SYTL3: variants seen among roughly 807,000 people sequenced by gnomAD.
SYTL3 encodes the protein synaptotagmin-like protein 3.
Under a neutral mutation model 82.1 loss-of-function variants are expected in SYTL3, and 88 were observed. The ratio of observed to expected loss-of-function variants is 1.07; its 90% CI spans 0.90 to 1.28. The LOEUF (loss-of-function observed/expected upper bound fraction) is 1.28, where lower values mean the gene tolerates loss of function less well. Among genes scored for constraint, SYTL3 ranks in the 50% most tolerant of loss-of-function variants. The pLI, the probability that SYTL3 is intolerant of heterozygous loss-of-function variation, is 0.00. For synonymous variants in SYTL3, 311 were observed against 289.4 expected, an observed-to-expected ratio of 1.07 and a Z score of -0.76; for missense variants, 831 against 757.6, an observed-to-expected ratio of 1.10 and a Z score of -1.14.
intron 14 of SYTL3, among the ~76,000 whole-genome samples, chr6:158,757,795 CAAT>C (rs972270275): frequency 6.6e-6 from 1 of 152,192 alleles, no homozygotes; most frequent in Non-Finnish European, 1.5e-5. Flanking sequence ...CAGGCACTCT[CAAT>C]AATAGGTGAC....
At chr6:158,677,078 A>C (rs979653327) in intron 5 of SYTL3, among the ~76,000 whole-genome samples, 1 of 152,234 alleles carries the variant, frequency 6.6e-6, no homozygotes. Flanking sequence ...AGGACTATAA[A>C]TCATGCTGCT....
At chr6:158,690,722 CT>C (rs1458457905) in intron 6 of SYTL3, among the ~76,000 whole-genome samples, 1 of 152,082 alleles carries the variant, frequency 6.6e-6, no homozygotes, top group Non-Finnish European at 1.5e-5. Flanking sequence ...TATAGGCTGG[CT>C]TTTTCCCCTA....
At chr6:158,658,059 A>C (rs1788911682) in intron 2 of SYTL3, among the ~76,000 whole-genome samples, 1 of 151,938 alleles carries the variant, frequency 6.6e-6, no homozygotes, top group African/African-American at 2.4e-5. Context: ...CACCCGGCTA[A>C]TTTTTTGTAT....
At chr6:158,667,483 C>T (rs1790214685) in intron 5 of SYTL3, among the ~76,000 whole-genome samples, 1 of 152,174 alleles carries the variant, frequency 6.6e-6, no homozygotes, top group Non-Finnish European at 1.5e-5. Context: ...AGCCCTCTGT[C>T]CTCTCTCCAG....
chr6:158,653,076 C>T (rs1478196192), intron 2 of SYTL3, among the ~76,000 whole-genome samples: 1 of 152,194 alleles, frequency 6.6e-6, no homozygotes, highest in African/African-American at 2.4e-5. Context: ...CTGTGTCAGA[C>T]TTTCTGATGG....
upstream of SYTL3, among the ~76,000 whole-genome samples, chr6:158,647,517 G>A (rs954018281): frequency 6.6e-6 from 1 of 152,172 alleles, no homozygotes. Flanking sequence ...TAAATAGGAG[G>A]GTTTGAATTC....
chr6:158,669,398 G>C (rs990761191), intron 5 of SYTL3, among the ~76,000 whole-genome samples: 1 of 152,192 alleles, frequency 6.6e-6, no homozygotes, highest in Non-Finnish European at 1.5e-5. Context: ...TTCAGCTTCA[G>C]GTATCTGTGG....
intron 11 of SYTL3, among the ~76,000 whole-genome samples, chr6:158,744,154 T>C (rs968097107): frequency 3.3e-5 from 5 of 151,776 alleles, no homozygotes; most frequent in Admixed American, 6.6e-5. Context: ...TGACCTCCAG[T>C]GATCCACCCT....
chr6:158,743,480 G>GTT (rs138473777), intron 11 of SYTL3, among the ~76,000 whole-genome samples: 30,769 of 151,728 alleles, frequency 0.2, 3,383 homozygotes, highest in Middle Eastern at 0.26. Flanking sequence ...TAGCTTCTCC[G>GTT]TTCATCTACC....
rs199854012 is a variant in SYTL3 at position 158,707,215 on chromosome 6, G to A, written c.395-15G>A. The A allele has an allele frequency of 3.4e-4, 548 of 1,613,288 alleles. 1 individual carries two copies. The highest frequency in any genetic ancestry group is 3.6e-4 in the Non-Finnish European group (428 of 1,179,760). On this transcript the variant is annotated splice_polypyrimidine_tract_variant and intron_variant, in intron 6 of 17. Coordinates refer to ENST00000611299, the MANE Select transcript of SYTL3 (RefSeq NM_001242394.2). ...ATTCTTAATAATAAACGCCCTCTAT[G>A]GATATCTCTCGCAGGCAAACATGAG...
chr6:158,715,591 A>C (rs896830431), intron 9 of SYTL3, among the ~76,000 whole-genome samples: 1 of 142,418 alleles, frequency 7.0e-6, no homozygotes, highest in African/African-American at 3.0e-5. Context: ...AAGCAGACTG[A>C]AACCGCATCA....
chr6:158,721,919 G>C (rs7738964), intron 10 of SYTL3, among the ~76,000 whole-genome samples: 1 of 152,084 alleles, frequency 6.6e-6, no homozygotes, highest in Non-Finnish European at 1.5e-5. Flanking sequence ...GGTGTGAGCC[G>C]CTGCGCCTGG....
At chr6:158,654,789 AG>A (rs1788470755) in intron 2 of SYTL3, among the ~76,000 whole-genome samples, 1 of 152,122 alleles carries the variant, frequency 6.6e-6, no homozygotes. Context: ...TGGCTCCAAA[AG>A]TGACACAGAG....
intron 10 of SYTL3, among the ~76,000 whole-genome samples, chr6:158,719,093 C>T (rs943367865): frequency 6.6e-6 from 1 of 152,202 alleles, no homozygotes; most frequent in Admixed American, 6.5e-5. Flanking sequence ...CTGCGCACAG[C>T]ACAAGGTTTT....
intron 6 of SYTL3, among the ~76,000 whole-genome samples, chr6:158,706,331 A>G (rs1782089428): frequency 1.3e-5 from 2 of 152,292 alleles, no homozygotes; most frequent in Middle Eastern, 3.4e-3. Flanking sequence ...AGAGCTTAAC[A>G]TCACATGCTA....
chr6:158,714,382 C>G (rs537105962), intron 9 of SYTL3, among the ~76,000 whole-genome samples: 33 of 151,870 alleles, frequency 2.2e-4, no homozygotes, highest in African/African-American at 7.0e-4. Flanking sequence ...AAAAAAGATG[C>G]AATTTCAGGG....
At chr6:158,691,369 T>C (rs1779845735) in intron 6 of SYTL3, among the ~76,000 whole-genome samples, 1 of 151,678 alleles carries the variant, frequency 6.6e-6, no homozygotes, top group Admixed American at 6.6e-5. Context: ...AAAGTGACTG[T>C]TTAACAGTTC....
intron 6 of SYTL3, among the ~76,000 whole-genome samples, chr6:158,699,965 A>AT (rs1780994288): frequency 1.4e-5 from 2 of 145,980 alleles, no homozygotes; most frequent in African/African-American, 5.1e-5. Context: ...GAATAATAAA[A>AT]AATAAATAGG....
chr6:158,681,665 A>AAAC (rs942945404), intron 5 of SYTL3, among the ~76,000 whole-genome samples: 13 of 152,184 alleles, frequency 8.5e-5, no homozygotes, highest in African/African-American at 2.9e-4. Context: ...GCCACCAGAA[A>AAAC]AACAACAACA....
Sources: allele counts gnomAD v4.1 joint callset (sites outside exome capture counted in the v4.1 genomes callset), GRCh38; gene constraint gnomAD v4.1.1; transcripts MANE v1.5; gene names NCBI Gene and HGNC (gene_info 2026-07-23, HGNC 2026-07-21).